The following KIF13A variants were observed in gnomAD, a reference collection of about 807,000 sequenced individuals.
KIF13A encodes kinesin-like protein KIF13A.
A neutral mutation model predicts 212.2 loss-of-function variants in KIF13A; 79 were observed. That is an observed-to-expected ratio of 0.37 (90% CI 0.31 to 0.45). The LOEUF is 0.45. Ranked by LOEUF, KIF13A falls within the 20% of genes least tolerant of loss-of-function variation. The probability of loss-of-function intolerance (pLI) is 1.00; values close to 1 mark genes in which losing one functional copy is unlikely to be tolerated. For synonymous variants in KIF13A, 789 were observed against 808.6 expected, an observed-to-expected ratio of 0.98 and a Z score of 0.41; for missense variants, 1,901 against 2,209.0, an observed-to-expected ratio of 0.86 and a Z score of 2.79.
chr6:17,826,568 G>A lies in KIF13A; in HGVS notation c.1533-444C>T. 6.6e-6 allele frequency among the ~76,000 whole-genome samples: 1 copy of A among 152,208 alleles called. No individual in the cohort carries two copies. The highest frequency in any genetic ancestry group is 6.5e-5 in the Admixed American group (1 of 15,288). On this transcript the variant is annotated intron_variant, in intron 14 of 38. Transcript: ENST00000259711. The surrounding 1 kb of genome is among the most constrained non-coding windows in gnomAD (Gnocchi z 4.7). ...AACAAATAAAATGCAAGGAAGAAGA[G>A]AGAGAGGCAGAGAGAGACAGGGATA...
rs1363071089 is a variant in KIF13A, at chr6:17,963,284, G to A, written c.146+23770C>T. 2.0e-5 allele frequency among the ~76,000 whole-genome samples: 3 copies of A among 152,150 alleles called. No individual in the cohort carries two copies. Among genetic ancestry groups the A allele is most frequent in the Non-Finnish European group, 4.4e-5 (3 of 68,032 alleles). On this transcript the variant is annotated intron_variant, in intron 2 of 38. Coordinates refer to ENST00000259711, the MANE Select transcript of KIF13A (RefSeq NM_022113.6). The surrounding 1 kb of genome is among the most constrained non-coding windows in gnomAD (Gnocchi z 4.1). ...AATACAAAAATTAGCTGGGCATGGT[G>A]GCGGGCGCCTGTAGTCCCAGCTACT... is the stretch of plus-strand genomic sequence containing the variant.
At chr6:17,874,957 T>TA (rs1317303326) in intron 3 of KIF13A, among the ~76,000 whole-genome samples, 8 of 141,348 alleles carry the variant, frequency 5.7e-5, no homozygotes, top group Admixed American at 2.8e-4. Flanking sequence ...CATTCCTTTT[T>TA]ATGGCTAAGT....
chr6:17,880,614 C>T (rs956062611), intron 3 of KIF13A, among the ~76,000 whole-genome samples: 1 of 117,652 alleles, frequency 8.5e-6, no homozygotes, highest in South Asian at 2.9e-4. Context: ...GGTGACAGGG[C>T]GAGACTCTGT....
chr6:17,767,315 C>T (rs1028204729), intron 38 of KIF13A, among the ~76,000 whole-genome samples: 8 of 150,528 alleles, frequency 5.3e-5, no homozygotes, highest in African/African-American at 2.0e-4. Context: ...AGTGCAATGG[C>T]GCGATCTTGG....
chr6:17,907,544 G>A (rs1410244626), intron 2 of KIF13A, among the ~76,000 whole-genome samples: 1 of 151,076 alleles, frequency 6.6e-6, no homozygotes, highest in Non-Finnish European at 1.5e-5. Flanking sequence ...AGAAGGAAAG[G>A]CATTTATGGA....
intron 2 of KIF13A, among the ~76,000 whole-genome samples, chr6:17,976,504 C>T (rs1780506628): frequency 6.6e-6 from 1 of 152,216 alleles, no homozygotes; most frequent in African/African-American, 2.4e-5. Flanking sequence ...CAAGCCCACG[C>T]CCACCCAGAA....
intron 17 of KIF13A, among the ~76,000 whole-genome samples, chr6:17,810,040 A>G (rs1387119429): frequency 6.6e-6 from 1 of 152,166 alleles, no homozygotes; most frequent in African/African-American, 2.4e-5. Context: ...CAGCCTGGGC[A>G]ACATAGCAAG....
intron 2 of KIF13A, among the ~76,000 whole-genome samples, chr6:17,945,321 T>C (rs1215016281): frequency 2.6e-5 from 4 of 152,110 alleles, no homozygotes; most frequent in South Asian, 2.1e-4. Flanking sequence ...AACTGACTCA[T>C]GATTTTAAAA....
In KIF13A at chr6:17,854,003, T is replaced by C. The variant is rs184079516; in HGVS notation, c.494+1434A>G. Among the ~76,000 whole-genome samples the C allele has an allele frequency of 3.9e-5, 6 of 152,340 alleles. No individual in the cohort carries two copies. The East Asian group carries it at 7.7e-4, about 20-fold the overall frequency. On this transcript the variant is annotated intron_variant, in intron 6 of 38. Transcript: ENST00000259711. ...AGGCAGTTGTTTTTATTACTCTTTA[T>C]GCCTTACAGGTGTTATAAATGTTAT...
intron 23 of KIF13A, among the ~76,000 whole-genome samples, chr6:17,796,101 C>A (rs951425132): frequency 6.6e-6 from 1 of 151,070 alleles, no homozygotes; most frequent in South Asian, 2.1e-4. Flanking sequence ...TCTCATTTTA[C>A]AAACGAGGAA....
chr6:17,865,801 T>C (rs76672316), intron 4 of KIF13A, among the ~76,000 whole-genome samples: 3,180 of 152,288 alleles, frequency 0.021, 46 homozygotes, highest in Non-Finnish European at 0.033. Context: ...ATGAGGGTAA[T>C]AGACCACGGA....
intron 23 of KIF13A, among the ~76,000 whole-genome samples, chr6:17,795,596 CAAAA>C (rs34962687): frequency 7.6e-6 from 1 of 132,276 alleles, no homozygotes; most frequent in African/African-American, 3.0e-5. Flanking sequence ...GACTCCATCT[CAAAA>C]AAAAAAAAAA....
chr6:17,953,641 C>T (rs1371015483), intron 2 of KIF13A: 4 of 156,164 alleles, frequency 2.6e-5, no homozygotes, highest in African/African-American at 7.2e-5. Flanking sequence ...TGGCCTAGCA[C>T]GTGGAATTCA....
At position 17,849,238 on chromosome 6, in the gene KIF13A, GTTGT is replaced by G. The variant is rs2150397426; in HGVS notation, c.830+135_830+138del. ...TACATCTTAACAGACACAGGTTGTT[GTTGT>G]TTTTCTTCAGCCCAGTTTACTAAAG... On this transcript the variant is annotated intron_variant, in intron 9 of 38. Coordinates refer to ENST00000259711, the MANE Select transcript of KIF13A (RefSeq NM_022113.6). The surrounding 1 kb of genome is among the most constrained non-coding windows in gnomAD (Gnocchi z 5.7). 6.7e-6 allele frequency: 4 copies of G among 600,072 alleles called. No individual in the cohort carries two copies. The East Asian group carries it at 9.0e-5, about 14-fold the overall frequency. The allele number at this position is 600,072 out of a possible 1,614,324, so 37.2% of individuals were successfully genotyped here. A position where few individuals can be genotyped will look rare whatever the true frequency, so the allele number is the denominator to read the frequency against.
At chr6:17,851,451 A>G (rs1489644468) in intron 7 of KIF13A, among the ~76,000 whole-genome samples, 5 of 152,246 alleles carry the variant, frequency 3.3e-5, no homozygotes, top group Non-Finnish European at 7.3e-5. Context: ...CAATCACTAT[A>G]GAAATAGAAG....
Position 17,855,860 on chromosome 6 carries a change from T to G in KIF13A, c.313+170A>C, listed in dbSNP as rs781342826. Among the ~76,000 whole-genome samples, 1 of 152,042 alleles carries G rather than the reference T, an allele frequency of 6.6e-6. No individual in the cohort carries two copies. The highest frequency in any genetic ancestry group is 1.5e-5 in the Non-Finnish European group (1 of 68,006). ...TCCCAAGAAGCTGGGACTACAGGTGTGCCACCACGCTGGGCTAATGTTTTT... is the reference window on the plus strand; with the variant it reads ...TCCCAAGAAGCTGGGACTACAGGTGGGCCACCACGCTGGGCTAATGTTTTT... On this transcript the variant is annotated intron_variant, in intron 5 of 38. Transcript: ENST00000259711. This position sits in a 1 kb window ranked among gnomAD's most constrained non-coding sequence, Gnocchi z 4.1.
At chr6:17,830,141 TGCA>T (rs1352136278) in intron 13 of KIF13A, among the ~76,000 whole-genome samples, 5 of 152,264 alleles carry the variant, frequency 3.3e-5, no homozygotes, top group Non-Finnish European at 5.9e-5. Flanking sequence ...TTTCTCACTT[TGCA>T]GAGTAAGCAA....
At chr6:17,977,742 T>C (rs1780708705) in intron 2 of KIF13A, among the ~76,000 whole-genome samples, 1 of 152,268 alleles carries the variant, frequency 6.6e-6, no homozygotes, top group Admixed American at 6.5e-5. Flanking sequence ...AGGATACATG[T>C]GCACAACGTG....
At chr6:17,970,009 G>A (rs1157296439) in intron 2 of KIF13A, among the ~76,000 whole-genome samples, 1 of 151,066 alleles carries the variant, frequency 6.6e-6, no homozygotes, top group East Asian at 2.0e-4. Flanking sequence ...TGAAAGCTCT[G>A]CCTCCCGGGT....
Sources: gnomAD v4.1 joint callset for allele counts (sites outside exome capture counted in the v4.1 genomes callset) on GRCh38, gnomAD v4.1.1 for gene constraint, Gnocchi (gnomAD v3.1) non-coding constraint, MANE v1.5 for transcripts, NCBI Gene and HGNC (gene_info 2026-07-23, HGNC 2026-07-21) for gene names.